The following MADD variants were observed in gnomAD, a reference collection of about 807,000 sequenced individuals.
The protein encoded by MADD is MAP kinase activating death domain, also known as MAP kinase-activating death domain protein.
MADD carries 109 observed loss-of-function variants against 176.7 expected under a neutral mutation model. The ratio of observed to expected loss-of-function variants is 0.62; its 90% CI spans 0.53 to 0.72. The LOEUF (loss-of-function observed/expected upper bound fraction) is 0.72. Among genes scored for constraint, MADD ranks in the 30% least tolerant of loss-of-function variants. The pLI is 0.00. For missense variants in MADD, 1,914 were observed against 2,045.5 expected, an observed-to-expected ratio of 0.94 and a Z score of 1.24; for synonymous variants, 771 against 771.3, an observed-to-expected ratio of 1.00 and a Z score of 0.01.
intron 27 of MADD, among the ~76,000 whole-genome samples, chr11:47,319,074 C>T (rs1476304128): frequency 1.3e-5 from 2 of 149,842 alleles, no homozygotes; most frequent in Admixed American, 6.7e-5. Flanking sequence ...TCCCAAAGTG[C>T]TGGGATTACA....
At chr11:47,327,622 C>A in intron 31 of MADD, 1 of 985,414 alleles carries the variant, frequency 1.0e-6, no homozygotes, top group Non-Finnish European at 1.2e-6. Flanking sequence ...GACTTTCCTC[C>A]CCGTGTGTTC....
At chr11:47,328,866 G>A (rs917129444) in intron 32 of MADD, among the ~76,000 whole-genome samples, 162 bp downstream of exon 36, 1 of 152,176 alleles carries the variant, frequency 6.6e-6, no homozygotes, top group African/African-American at 2.4e-5. Flanking sequence ...TGAGCCCTGA[G>A]AGACAGACAC....
exon 12 of MADD, chr11:47,284,493 C>T (rs765727095): frequency 4.1e-5 from 66 of 1,613,922 alleles, no homozygotes; most frequent in Non-Finnish European, 5.3e-5. Flanking sequence ...CTCAGGAAAA[C>T]CCCCCACTGC....
intron 22 of MADD, among the ~76,000 whole-genome samples, chr11:47,301,761 C>A (rs1203234749): frequency 2.0e-5 from 3 of 152,150 alleles, no homozygotes; most frequent in Non-Finnish European, 4.4e-5. Context: ...TTATTTATTT[C>A]TAATTTTCAG....
chr11:47,276,105 G>A, exon 4 of MADD: 1 of 1,614,154 alleles, frequency 6.2e-7, no homozygotes, highest in Non-Finnish European at 8.5e-7. Flanking sequence ...GACCCATCTC[G>A]ATTCACCCTA....
intron 1 of MADD, among the ~76,000 whole-genome samples, chr11:47,272,872 A>C (rs1230534446): frequency 2.0e-5 from 3 of 152,148 alleles, no homozygotes; most frequent in African/African-American, 4.8e-5. Context: ...CCTGAGATCA[A>C]AATAGAGGAG....
At chr11:47,323,548 A>G in intron 27 of MADD, 123 bp from the exon 31 acceptor site, 2 of 914,314 alleles carry the variant, frequency 2.2e-6, no homozygotes. Flanking sequence ...TAGGGAAACC[A>G]TGAGCGTAAG....
intron 27 of MADD, among the ~76,000 whole-genome samples, chr11:47,320,158 T>TA (rs1565555624): frequency 6.6e-6 from 1 of 151,766 alleles, no homozygotes; most frequent in East Asian, 1.9e-4. Context: ...CACTATTTTT[T>TA]AAAAAAATAT....
In MADD at chr11:47,315,342, A is replaced by G; in HGVS notation, c.4197+15A>G. 2 of 1,542,146 alleles carry G rather than the reference A, an allele frequency of 1.3e-6. No individual in the cohort carries two copies. Among genetic ancestry groups the G allele is most frequent in the Non-Finnish European group, 1.8e-6 (2 of 1,115,100 alleles). On this transcript the variant is annotated intron_variant, in intron 27 of 32. Coordinates refer to ENST00000402192, the Ensembl canonical transcript of MADD. ...TTTTCATGGAGGTAGGTGCTGGTTC[A>G]TGCTGGGGGCCCAAAGGGCTATTGA...
At chr11:47,323,440 C>T (rs1231192323) in intron 27 of MADD, among the ~76,000 whole-genome samples, 1 of 151,804 alleles carries the variant, frequency 6.6e-6, no homozygotes, top group Non-Finnish European at 1.5e-5. Context: ...TTGATTTGTG[C>T]CTCCTCCCTT....
exon 33 of MADD, chr11:47,329,258 C>A: frequency 1.2e-6 from 1 of 825,318 alleles, no homozygotes; most frequent in East Asian, 2.4e-5. Context: ...GCTCGTGTGT[C>A]CTCTGCAAGC....
intron 12 of MADD, 76 bp from the exon 13 acceptor site, chr11:47,284,865 A>T (rs912365170): frequency 5.7e-6 from 9 of 1,579,664 alleles, no homozygotes; most frequent in Non-Finnish European, 6.9e-6. Context: ...GGCCTGGTCC[A>T]GCCCTGCCAA....
intron 30 of MADD, among the ~76,000 whole-genome samples, chr11:47,326,342 C>G (rs2095457604): frequency 6.6e-6 from 1 of 152,190 alleles, no homozygotes; most frequent in East Asian, 1.9e-4. Flanking sequence ...CCCGTGCCAG[C>G]CCTCTGCGCC....
At chr11:47,289,067 TC>T in intron 15 of MADD, 40 bp downstream of exon 16, 1 of 1,547,168 alleles carries the variant, frequency 6.5e-7, no homozygotes. Context: ...CTTTTTTTTT[TC>T]TCTAGCATCT....
rs115421034 is a variant in MADD at position 47,276,397 on chromosome 11, A to G, written c.963+195A>G. Among the ~76,000 whole-genome samples, 461 of 152,300 alleles carry G rather than the reference A, an allele frequency of 3.0e-3. 6 individuals carry two copies. The highest frequency in any genetic ancestry group is 0.011 in the African/African-American group (446 of 41,554). On this transcript the variant is annotated intron_variant, in intron 4 of 32. Coordinates refer to ENST00000402192, the Ensembl canonical transcript of MADD. ...AAGATACTGGTATCATGTGGGATGTATTTAGAGGGTTTACCATTCATTAGG... is the reference window on the plus strand; with the variant it reads ...AAGATACTGGTATCATGTGGGATGTGTTTAGAGGGTTTACCATTCATTAGG...
At chr11:47,294,365 A>T (rs929002553) in intron 20 of MADD, among the ~76,000 whole-genome samples, 280 of 121,136 alleles carry the variant, frequency 2.3e-3, no homozygotes, top group African/African-American at 9.8e-3. Context: ...AAAAAAAAAT[A>T]AAAATAAAAA....
intron 5 of MADD, 124 bp from the exon 6 acceptor site, chr11:47,278,041 T>G (rs1349110990): frequency 1.4e-6 from 1 of 710,098 alleles, no homozygotes; most frequent in Non-Finnish European, 2.5e-6. Context: ...TTCAAATACA[T>G]CTGGCCTCAA....
At chr11:47,284,654 C>T in intron 12 of MADD, 89 bp downstream of exon 12, 8 of 1,468,026 alleles carry the variant, frequency 5.4e-6, no homozygotes, top group Non-Finnish European at 7.3e-6. Context: ...TATTCATTTG[C>T]TGCTTCTCAC....
intron 2 of MADD, 57 bp downstream of exon 2, chr11:47,274,033 A>C (rs1004933613): frequency 6.7e-7 from 1 of 1,488,270 alleles, no homozygotes; most frequent in Non-Finnish European, 9.4e-7. Flanking sequence ...TAAAATCTGC[A>C]GTTGTTCCCT....
Sources: gnomAD v4.1 joint callset for allele counts (sites outside exome capture counted in the v4.1 genomes callset) on GRCh38, gnomAD v4.1.1 for gene constraint, MANE v1.5 for transcripts, NCBI Gene and HGNC (gene_info 2026-07-23, HGNC 2026-07-21) for gene names.